GALNT2: variants seen among roughly 807,000 people sequenced by gnomAD.
The protein encoded by GALNT2 is UDP-GalNAc:polypeptide N-acetylgalactosaminyltransferase 2.
GALNT2 carries 31 observed loss-of-function variants against 81.4 expected under a neutral mutation model. The observed-to-expected ratio is 0.38, with a 90% CI of 0.29 to 0.51. The LOEUF is 0.51. GALNT2 is among the 20% of genes least tolerant of loss of function. The pLI, the probability that GALNT2 is intolerant of heterozygous loss-of-function variation, is 0.87. For synonymous variants in GALNT2, 303 were observed against 287.4 expected (o/e 1.05, Z -0.55); for missense variants, 629 against 765.7 (o/e 0.82, Z 2.11).
intron 1 of GALNT2, among the ~76,000 whole-genome samples, chr1:230,144,949 C>T (rs115047514): frequency 0.032 from 4,838 of 152,208 alleles, 132 homozygotes; most frequent in Non-Finnish European, 0.043. Context: ...TCCCCGCAGG[C>T]CTTGAGGTGA....
At chr1:230,094,163 ATTTTTTTTT>A (rs58639878) in intron 1 of GALNT2, among the ~76,000 whole-genome samples, 53 of 119,348 alleles carry the variant, frequency 4.4e-4, no homozygotes, top group East Asian at 9.9e-4. Flanking sequence ...ATGCTGGCTA[ATTTTTTTTT>A]TTTTTTTTTT....
At chr1:230,085,676 T>C (rs1659877480) in intron 1 of GALNT2, among the ~76,000 whole-genome samples, 1 of 152,220 alleles carries the variant, frequency 6.6e-6, no homozygotes, top group Non-Finnish European at 1.5e-5. Flanking sequence ...TTTGTGATTG[T>C]CTAGGTTGAA....
intron 14 of GALNT2, among the ~76,000 whole-genome samples, chr1:230,272,551 C>G (rs142463283): frequency 8.2e-4 from 125 of 152,050 alleles, no homozygotes; most frequent in African/African-American, 3.0e-3. Context: ...ATGGAAGACC[C>G]GGGAAGTGAG....
chr1:230,281,711 G>C lies in GALNT2; in HGVS notation c.*2253G>C, dbSNP rs1666452451. 6.5e-6 allele frequency: 1 copy of C among 152,810 alleles called. No individual in the cohort carries two copies. The highest frequency in any genetic ancestry group is 2.4e-5 in the African/African-American group (1 of 41,454). 9.5% of individuals were successfully genotyped at this position (152,810 alleles called of 1,614,324 possible). On this transcript the variant is annotated 3_prime_UTR_variant, in exon 16 of 16. Transcript: ENST00000366672. ...CTGGGAGGCGGCTTTGGATGGTCCG[G>C]GCGTCAAGAGCAGGGGTGGGCCGGG...
intron 1 of GALNT2, among the ~76,000 whole-genome samples, chr1:230,115,805 C>G (rs1319279807): frequency 6.6e-6 from 1 of 152,224 alleles, no homozygotes; most frequent in East Asian, 1.9e-4. Flanking sequence ...CCTGCCACGT[C>G]TTTGTCAATT....
chr1:230,140,516 C>T (rs764379917), intron 1 of GALNT2, among the ~76,000 whole-genome samples: 1 of 152,160 alleles, frequency 6.6e-6, no homozygotes, highest in Non-Finnish European at 1.5e-5. Context: ...AGCTGCTGTC[C>T]GTTGCTATAG....
chr1:230,235,929 C>A, intron 3 of GALNT2, 85 bp from the exon 4 acceptor site: 1 of 1,229,888 alleles, frequency 8.1e-7, no homozygotes, highest in Non-Finnish European at 1.2e-6. Flanking sequence ...CCCAGTTGGT[C>A]AGTCTGCCTG....
intron 3 of GALNT2, among the ~76,000 whole-genome samples, chr1:230,205,946 C>T (rs1449430999): frequency 6.6e-6 from 1 of 152,184 alleles, no homozygotes; most frequent in Non-Finnish European, 1.5e-5. Context: ...GAGCTACTGA[C>T]TGAAGACCAG....
chr1:230,102,770 A>G (rs377564491), intron 1 of GALNT2, among the ~76,000 whole-genome samples: 4 of 152,186 alleles, frequency 2.6e-5, no homozygotes, highest in East Asian at 3.9e-4. Flanking sequence ...ATTGATGGAA[A>G]CAGATTCTGT....
chr1:230,261,558 A>C (rs1313241863), intron 11 of GALNT2, among the ~76,000 whole-genome samples: 3 of 152,192 alleles, frequency 2.0e-5, no homozygotes, highest in Admixed American at 6.5e-5. Context: ...TACTTCATGG[A>C]TGCTTTAAGA....
At chr1:230,209,667 C>A (rs1360675564) in intron 3 of GALNT2, among the ~76,000 whole-genome samples, 2 of 152,176 alleles carry the variant, frequency 1.3e-5, no homozygotes, top group Non-Finnish European at 2.9e-5. Flanking sequence ...CATAGCGAAA[C>A]CCCATCTCTA....
chr1:230,102,884 C>G (rs184159031), intron 1 of GALNT2, among the ~76,000 whole-genome samples: 1 of 151,968 alleles, frequency 6.6e-6, no homozygotes, highest in African/African-American at 2.4e-5. Flanking sequence ...AGTGGAGAGG[C>G]GGGGCCATGG....
intron 2 of GALNT2, among the ~76,000 whole-genome samples, chr1:230,188,974 C>T (rs1414973115): frequency 1.3e-5 from 2 of 151,950 alleles, no homozygotes; most frequent in African/African-American, 2.4e-5. Context: ...GGCAAAGGAG[C>T]GGGGGCCGGA....
intron 9 of GALNT2, 44 bp from the exon 10 acceptor site, chr1:230,250,413 C>T: frequency 6.8e-7 from 1 of 1,476,490 alleles, no homozygotes. Flanking sequence ...CTAACCTTGA[C>T]TTTGCCCTCT....
At chr1:230,109,175 G>T (rs1359906386) in intron 1 of GALNT2, among the ~76,000 whole-genome samples, 2 of 152,238 alleles carry the variant, frequency 1.3e-5, no homozygotes, top group Non-Finnish European at 2.9e-5. Flanking sequence ...TCTGATGGGG[G>T]TCTCCCTGGG....
In GALNT2 at chr1:230,281,281, G is replaced by A. The variant is rs115316397; in HGVS notation, c.*1823G>A. 1.8e-3 allele frequency: 275 copies of A among 152,500 alleles called. 1 individual carries two copies. Among genetic ancestry groups the A allele is most frequent in the African/African-American group, 6.2e-3 (259 of 41,530 alleles). 9.4% of individuals were successfully genotyped at this position (152,500 alleles called of 1,614,324 possible). Reference sequence around the variant, plus strand: ...GCTGCCCTATAGGTCTTCTCTTCCCGCCTCCCCTGCCATGCAACCAGATGT... The same window carrying A: ...GCTGCCCTATAGGTCTTCTCTTCCCACCTCCCCTGCCATGCAACCAGATGT... On this transcript the variant is annotated 3_prime_UTR_variant, in exon 16 of 16. Transcript: ENST00000366672.
At chr1:230,188,071 C>G (rs1378103563) in intron 2 of GALNT2, among the ~76,000 whole-genome samples, 1 of 152,172 alleles carries the variant, frequency 6.6e-6, no homozygotes, top group African/African-American at 2.4e-5. Context: ...GGACCACTCT[C>G]TCCTACCCAG....
chr1:230,253,709 G>C (rs1665619948), intron 10 of GALNT2, among the ~76,000 whole-genome samples: 1 of 152,004 alleles, frequency 6.6e-6, no homozygotes, highest in Admixed American at 6.6e-5. Context: ...CCTCCTCCTG[G>C]TTATTTGAAA....
intron 3 of GALNT2, among the ~76,000 whole-genome samples, chr1:230,209,343 C>T (rs1200856934): frequency 6.6e-6 from 1 of 152,146 alleles, no homozygotes; most frequent in Non-Finnish European, 1.5e-5. Context: ...TAGAGGAGGT[C>T]CTAAAGGGTG....
Sources: allele counts gnomAD v4.1 joint callset (sites outside exome capture counted in the v4.1 genomes callset), GRCh38; gene constraint gnomAD v4.1.1; transcripts MANE v1.5; gene names NCBI Gene and HGNC (gene_info 2026-07-23, HGNC 2026-07-21).